ARHGAP35: variants seen among roughly 807,000 people sequenced by gnomAD.
ARHGAP35 encodes Rho GTPase activating protein 35, also known as rho GTPase-activating protein 35.
ARHGAP35 carries 15 observed loss-of-function variants against 111.1 expected under a neutral mutation model. The ratio of observed to expected loss-of-function variants is 0.13; its 90% confidence interval spans 0.09 to 0.21. The LOEUF (loss-of-function observed/expected upper bound fraction) is 0.21. Ranked by LOEUF, ARHGAP35 falls within the 10% of genes least tolerant of loss-of-function variation. ARHGAP35 has a pLI of 1.00. For missense variants in ARHGAP35, 1,262 were observed against 1,873.0 expected (o/e 0.67, Z 6.02); for synonymous variants, 643 against 710.3 (o/e 0.91, Z 1.51).
chr19:46,956,314 T>C (rs1340059212), intron 3 of ARHGAP35, among the ~76,000 whole-genome samples: 1 of 151,718 alleles, frequency 6.6e-6, no homozygotes, highest in Admixed American at 6.6e-5. Context: ...CAAGACCCTG[T>C]CTCAAAAAAA....
rs573092721 is a variant in ARHGAP35 at position 46,991,268 on chromosome 19, C to T, written c.4036+1593C>T. ...AGTGGAAGTTAGGAAAAGAGGAAGG[C>T]GTAGACTGATACCCAGTTTGCTGGA... On this transcript the variant is annotated intron_variant, in intron 5 of 6. Coordinates refer to ENST00000672722, the MANE Select transcript of ARHGAP35 (RefSeq NM_004491.5). 2.0e-5 allele frequency among the ~76,000 whole-genome samples: 3 copies of T among 152,318 alleles called. No individual in the cohort carries two copies. In the South Asian group the frequency reaches 6.2e-4, roughly 32 times the overall value.
intron 1 of ARHGAP35, among the ~76,000 whole-genome samples, chr19:46,899,553 G>A (rs999187678): frequency 3.3e-5 from 5 of 151,820 alleles, no homozygotes; most frequent in African/African-American, 7.3e-5. Context: ...AAAATTAGCC[G>A]GGCATGGTAG....
intron 3 of ARHGAP35, among the ~76,000 whole-genome samples, chr19:46,971,133 C>T (rs971009849): frequency 6.6e-6 from 1 of 152,094 alleles, no homozygotes; most frequent in Admixed American, 6.6e-5. Context: ...CTTGGCTGGG[C>T]GCGGTGACTG....
intron 3 of ARHGAP35, among the ~76,000 whole-genome samples, chr19:46,980,334 G>A (rs530167290): frequency 3.9e-5 from 6 of 152,246 alleles, no homozygotes; most frequent in Admixed American, 1.3e-4. Context: ...GCAGTGAGCC[G>A]AGATTGCACA....
intron 1 of ARHGAP35, among the ~76,000 whole-genome samples, chr19:46,865,050 A>G (rs2122850883): frequency 6.6e-6 from 1 of 152,374 alleles, no homozygotes; most frequent in African/African-American, 2.4e-5. Flanking sequence ...CTTAACTGGT[A>G]ACCGATGTTC....
At chr19:46,897,554 C>T (rs545448898) in intron 1 of ARHGAP35, among the ~76,000 whole-genome samples, 1 of 151,580 alleles carries the variant, frequency 6.6e-6, no homozygotes, top group East Asian at 1.9e-4. Flanking sequence ...AAACAATCTC[C>T]AAGCAGGTTG....
intron 3 of ARHGAP35, among the ~76,000 whole-genome samples, chr19:46,978,689 G>A (rs1204460253): frequency 1.4e-5 from 2 of 143,696 alleles, no homozygotes; most frequent in African/African-American, 5.2e-5. Flanking sequence ...GTGGTGGGAT[G>A]TGTGTGTGGT....
At chr19:46,961,417 C>T (rs1041463868) in intron 3 of ARHGAP35, among the ~76,000 whole-genome samples, 2 of 152,092 alleles carry the variant, frequency 1.3e-5, no homozygotes, top group African/African-American at 4.8e-5. Context: ...TGCCAAAATG[C>T]TCTCCAGTAT....
chr19:46,929,015 G>A (rs1325014867), intron 2 of ARHGAP35, among the ~76,000 whole-genome samples: 1 of 138,000 alleles, frequency 7.2e-6, no homozygotes, highest in Non-Finnish European at 1.6e-5. Context: ...TTTAAGATTA[G>A]GGATGACAGG....
chr19:46,904,633 A>G (rs2056096537), intron 1 of ARHGAP35, among the ~76,000 whole-genome samples: 1 of 152,228 alleles, frequency 6.6e-6, no homozygotes, highest in African/African-American at 2.4e-5. Context: ...ATCGTAAAGC[A>G]GTTGTTTTTC....
intron 3 of ARHGAP35, among the ~76,000 whole-genome samples, chr19:46,963,428 T>C (rs1239918858): frequency 1.3e-5 from 2 of 152,146 alleles, no homozygotes; most frequent in African/African-American, 4.8e-5. Context: ...CTTTCATCAC[T>C]TTCTTCTCTT....
chr19:47,001,570 A>C lies in ARHGAP35; in HGVS notation c.*882A>C, dbSNP rs1204037727. ...TGGCCTGAGGGCCTGCTGGGGTCCC[A>C]CTCACCCACTTAGGTCTAGTCGCTA... On this transcript the variant is annotated 3_prime_UTR_variant, in exon 7 of 7. Transcript: ENST00000672722. The surrounding 1 kb of genome is among the most constrained non-coding windows in gnomAD (Gnocchi z 5.4). The C allele has an allele frequency of 2.3e-6, 1 of 425,974 alleles. No individual in the cohort carries two copies. The highest frequency in any genetic ancestry group is 4.1e-6 in the Non-Finnish European group (1 of 241,354). 26.4% of individuals were successfully genotyped at this position (425,974 alleles called of 1,614,324 possible). A position where few individuals can be genotyped will look rare whatever the true frequency, so the allele number is the denominator to read the frequency against.
At chr19:46,990,390 G>C (rs541202507) in intron 5 of ARHGAP35, among the ~76,000 whole-genome samples, 2 of 152,348 alleles carry the variant, frequency 1.3e-5, no homozygotes, top group African/African-American at 4.8e-5. Context: ...ACTTTGTGTA[G>C]TACCACAGAG....
chr19:46,896,097 C>T (rs1303136366), intron 1 of ARHGAP35, among the ~76,000 whole-genome samples: 4 of 150,870 alleles, frequency 2.7e-5, no homozygotes, highest in Admixed American at 6.6e-5. Flanking sequence ...AATGAAACCC[C>T]GTCTCAAAAA....
At chr19:46,892,242 T>G (rs2056028432) in intron 1 of ARHGAP35, among the ~76,000 whole-genome samples, 1 of 147,062 alleles carries the variant, frequency 6.8e-6, no homozygotes, top group East Asian at 2.0e-4. Context: ...AGGCAAAGGT[T>G]GCAGTGAGCC....
At position 46,995,646 on chromosome 19, in the gene ARHGAP35, C is replaced by T. The variant is rs561223039; in HGVS notation, c.4037-3658C>T. 3.7e-4 allele frequency among the ~76,000 whole-genome samples: 56 copies of T among 152,348 alleles called. 1 individual carries two copies. The South Asian group carries it at 0.011, about 30-fold the overall frequency. ...CAGCCACCATATGGGTAACGCCCAGCCCCACCTTCCACTCGGGTCTGCGGT... is the reference window on the plus strand; with the variant it reads ...CAGCCACCATATGGGTAACGCCCAGTCCCACCTTCCACTCGGGTCTGCGGT... On this transcript the variant is annotated intron_variant, in intron 5 of 6. Coordinates refer to ENST00000672722, the MANE Select transcript of ARHGAP35 (RefSeq NM_004491.5).
intron 1 of ARHGAP35, among the ~76,000 whole-genome samples, chr19:46,895,455 G>A (rs1235101261): frequency 7.9e-5 from 12 of 152,182 alleles, no homozygotes; most frequent in Non-Finnish European, 1.5e-5. Context: ...GTGAGCCACC[G>A]CGCCCAGCCG....
At chr19:46,954,757 C>T (rs189310818) in intron 3 of ARHGAP35, among the ~76,000 whole-genome samples, 1 of 152,322 alleles carries the variant, frequency 6.6e-6, no homozygotes, top group African/African-American at 2.4e-5. Flanking sequence ...ATGTAAGCTG[C>T]AATTTGGTTG....
At chr19:46,962,149 G>A (rs1426778642) in intron 3 of ARHGAP35, among the ~76,000 whole-genome samples, 1 of 152,118 alleles carries the variant, frequency 6.6e-6, no homozygotes, top group Non-Finnish European at 1.5e-5. Context: ...ATCCATCACC[G>A]TACACTTCTC....
Sources: gnomAD v4.1 joint callset for allele counts (sites outside exome capture counted in the v4.1 genomes callset) on GRCh38, gnomAD v4.1.1 for gene constraint, Gnocchi (gnomAD v3.1) non-coding constraint, MANE v1.5 for transcripts, NCBI Gene and HGNC (gene_info 2026-07-23, HGNC 2026-07-21) for gene names.